Variants in ATXN10 observed in about 807,000 individuals in gnomAD.
ATXN10 encodes the protein ataxin-10.
In ATXN10, 28 loss-of-function variants were observed where a neutral mutation model predicts 52.9. The ratio of observed to expected loss-of-function variants is 0.53; its 90% CI spans 0.39 to 0.73. The LOEUF is 0.73. Ranked by LOEUF, ATXN10 falls within the 30% of genes least tolerant of loss-of-function variation. The pLI is 0.00. For missense variants in ATXN10, 565 were observed against 577.0 expected (o/e 0.98, Z 0.21); for synonymous variants, 226 against 221.5 (o/e 1.02, Z -0.18).
At position 45,754,810 on chromosome 22, in the gene ATXN10, G is replaced by A. The variant is rs560997593; in HGVS notation, c.1173+14272G>A. Among the ~76,000 whole-genome samples the A allele has an allele frequency of 9.8e-5, 15 of 152,326 alleles. 1 individual carries two copies. In the South Asian group the frequency reaches 2.9e-3, roughly 29 times the overall value. On this transcript the variant is annotated intron_variant, in intron 9 of 11. Transcript: ENST00000252934. The surrounding 1 kb of genome is among the most constrained non-coding windows in gnomAD (Gnocchi z 5.4). ...GCAGAGGTTGCAGTGAGCTGAGATC[G>A]TGCCACTGCACTCCAGCCTGGGCAA...
Position 45,712,727 on chromosome 22 carries a change from G to T in ATXN10, c.648-5686G>T, listed in dbSNP as rs1449031865. Among the ~76,000 whole-genome samples, 3 of 152,188 alleles carry T rather than the reference G, an allele frequency of 2.0e-5. No homozygotes were observed. The East Asian group carries it at 5.8e-4, about 29-fold the overall frequency. On this transcript the variant is annotated intron_variant, in intron 5 of 11. Coordinates refer to ENST00000252934, the MANE Select transcript of ATXN10 (RefSeq NM_013236.4). This position sits in a 1 kb window ranked among gnomAD's most constrained non-coding sequence, Gnocchi z 4.6. ...TATAACTCATTTTCTTCTAGTAGAG[G>T]AAGCATCGCCATTGAATCAGTGGAC...
intron 9 of ATXN10, among the ~76,000 whole-genome samples, chr22:45,748,446 C>T (rs117615085): frequency 0.014 from 2,136 of 152,198 alleles, 24 homozygotes; most frequent in Non-Finnish European, 0.021. Context: ...AAAATGAAAA[C>T]AAATATGAGA....
Position 45,837,367 on chromosome 22 carries a change from T to C in ATXN10, c.1238-5624T>C, listed in dbSNP as rs1412388505. 6.6e-6 allele frequency among the ~76,000 whole-genome samples: 1 copy of C among 152,094 alleles called. No individual in the cohort carries two copies. Among genetic ancestry groups the C allele is most frequent in the Non-Finnish European group, 1.5e-5 (1 of 68,018 alleles). On this transcript the variant is annotated intron_variant, in intron 10 of 11. Transcript: ENST00000252934. The surrounding 1 kb of genome is among the most constrained non-coding windows in gnomAD (Gnocchi z 5.8). ...CTCTGCCTCCCGGGTTTAAGCGATT[T>C]CTCCTGCCTCAGCCTCCCGAGTAGC...
chr22:45,698,021 T>TA, intron 3 of ATXN10, among the ~76,000 whole-genome samples: 1 of 152,386 alleles, frequency 6.6e-6, no homozygotes, highest in East Asian at 1.9e-4. Context: ...GTTGTTTTGA[T>TA]ATATCACATT....
rs960299788 is a variant in ATXN10 at position 45,728,536 on chromosome 22, G to T, written c.729-889G>T. On this transcript the variant is annotated intron_variant, in intron 6 of 11. Coordinates refer to ENST00000252934, the MANE Select transcript of ATXN10 (RefSeq NM_013236.4). This position sits in a 1 kb window ranked among gnomAD's most constrained non-coding sequence, Gnocchi z 4.3. ...ATAATTTAAATTTTTTTCTTGGTAA[G>T]AAATGTTCCATGCCTAATTTGAGTG... is the stretch of plus-strand genomic sequence containing the variant. Among the ~76,000 whole-genome samples the T allele has an allele frequency of 2.1e-4, 32 of 152,112 alleles. No homozygotes were observed. The highest frequency in any genetic ancestry group is 7.7e-4 in the African/African-American group (32 of 41,430).
At chr22:45,836,940 T>C (rs1929186532) in intron 10 of ATXN10, among the ~76,000 whole-genome samples, 1 of 152,216 alleles carries the variant, frequency 6.6e-6, no homozygotes, top group Non-Finnish European at 1.5e-5. Context: ...TTGCCCGTGC[T>C]GACCATGCTA....
intron 10 of ATXN10, among the ~76,000 whole-genome samples, chr22:45,811,949 A>G (rs1928295799): frequency 6.6e-6 from 1 of 152,172 alleles, no homozygotes; most frequent in Non-Finnish European, 1.5e-5. Flanking sequence ...GAATAAGCCT[A>G]GTCTATCACA....
At chr22:45,734,017 A>G (rs1340757754) in intron 7 of ATXN10, among the ~76,000 whole-genome samples, 1 of 152,124 alleles carries the variant, frequency 6.6e-6, no homozygotes, top group African/African-American at 2.4e-5. Flanking sequence ...TTAACTATAT[A>G]GACTCATCAT....
intron 7 of ATXN10, among the ~76,000 whole-genome samples, chr22:45,736,982 A>G (rs1925322301): frequency 6.6e-6 from 1 of 152,236 alleles, no homozygotes; most frequent in South Asian, 2.1e-4. Flanking sequence ...TGTGAGGTAC[A>G]CTGGATGAAG....
At chr22:45,830,456 T>C (rs916125932) in intron 10 of ATXN10, among the ~76,000 whole-genome samples, 3 of 152,236 alleles carry the variant, frequency 2.0e-5, no homozygotes, top group Admixed American at 2.0e-4. Flanking sequence ...TTGCAAATTA[T>C]TTATTTGATA....
intron 7 of ATXN10, among the ~76,000 whole-genome samples, chr22:45,734,991 T>G (rs1437667842): frequency 6.6e-6 from 1 of 151,636 alleles, no homozygotes; most frequent in Non-Finnish European, 1.5e-5. Context: ...TTCAAGCGAT[T>G]CTCCTGCCTC....
In ATXN10 at chr22:45,840,060, G is replaced by C. The variant is rs1197446010; in HGVS notation, c.1238-2931G>C. ...AGTTCACAGTGCATTAGAGTATACAGAAATACAAACAAACAGTCATAGCTT... is the reference window on the plus strand; with the variant it reads ...AGTTCACAGTGCATTAGAGTATACACAAATACAAACAAACAGTCATAGCTT... On this transcript the variant is annotated intron_variant, in intron 10 of 11. Coordinates refer to ENST00000252934, the MANE Select transcript of ATXN10 (RefSeq NM_013236.4). This position sits in a 1 kb window ranked among gnomAD's most constrained non-coding sequence, Gnocchi z 5.8. Among the ~76,000 whole-genome samples the C allele has an allele frequency of 6.6e-6, 1 of 152,204 alleles. No homozygotes were observed. The highest frequency in any genetic ancestry group is 1.5e-5 in the Non-Finnish European group (1 of 68,030).
chr22:45,743,436 C>A (rs991166477), intron 9 of ATXN10, among the ~76,000 whole-genome samples: 3 of 152,118 alleles, frequency 2.0e-5, no homozygotes, highest in Non-Finnish European at 2.9e-5. Context: ...TCATTGTTGC[C>A]TCAAGGGATG....
rs1308185588 is a variant in ATXN10 at position 45,683,970 on chromosome 22, G to C, written c.117-5742G>C. On this transcript the variant is annotated intron_variant, in intron 1 of 11. Transcript: ENST00000252934. The surrounding 1 kb of genome is among the most constrained non-coding windows in gnomAD (Gnocchi z 4.8). ...TTTCTTCTCTTTTCATGTTTTCTTA[G>C]AGACAAGGTCTCGCTGTGTCACCCA... 6.6e-6 allele frequency among the ~76,000 whole-genome samples: 1 copy of C among 151,690 alleles called. No individual in the cohort carries two copies. The highest frequency in any genetic ancestry group is 2.4e-5 in the African/African-American group (1 of 41,216).
chr22:45,729,478 C>A lies in ATXN10; in HGVS notation c.782C>A (p.Thr261Asn). The change falls in exon 7 of 12, where the codon ACC (threonine) becomes AAC (asparagine). Residue 261 changes from threonine (T) to asparagine (N), a missense_variant. Coordinates refer to ENST00000252934, the MANE Select transcript of ATXN10 (RefSeq NM_013236.4). ...AAGATAACGAGTGATGAGCCACTCACCAAGGATGACATCCCTGTGTTTTTG... is the reference window on the plus strand; with the variant it reads ...AAGATAACGAGTGATGAGCCACTCAACAAGGATGACATCCCTGTGTTTTTG... Reference protein sequence around the residue: ...IAKITSDEPLTKDDIPVFLRH... With the variant: ...IAKITSDEPLNKDDIPVFLRH... 1 of 1,614,162 alleles carries A rather than the reference C, an allele frequency of 6.2e-7. No homozygotes were observed. Among genetic ancestry groups the A allele is most frequent in the Non-Finnish European group, 8.5e-7 (1 of 1,180,020 alleles).
At chr22:45,724,467 T>C (rs1569037472) in intron 6 of ATXN10, among the ~76,000 whole-genome samples, 1 of 152,202 alleles carries the variant, frequency 6.6e-6, no homozygotes, top group Non-Finnish European at 1.5e-5. Context: ...GTAGATCTTC[T>C]TTTGGGAAAT....
rs1485349939 is a variant in ATXN10 at position 45,693,135 on chromosome 22, G to A, written c.391+57G>A. On this transcript the variant is annotated intron_variant, in intron 3 of 11. Coordinates refer to ENST00000252934, the MANE Select transcript of ATXN10 (RefSeq NM_013236.4). ...TATCTTTATAAAGGGTTCAAAACCA[G>A]TACTTTGAGTATTAACATCATTCAT... The A allele has an allele frequency of 2.9e-6, 4 of 1,359,388 alleles. No homozygotes were observed. In the East Asian group the frequency reaches 9.2e-5, roughly 31 times the overall value. The allele number at this position is 1,359,388 out of a possible 1,614,324, so 84.2% of individuals were successfully genotyped here.
At chr22:45,746,512 T>G (rs1004516363) in intron 9 of ATXN10, among the ~76,000 whole-genome samples, 1 of 152,192 alleles carries the variant, frequency 6.6e-6, no homozygotes, top group African/African-American at 2.4e-5. Context: ...GAGTGATTGC[T>G]CTGCAGAGAA....
chr22:45,722,663 C>T (rs1164457908), intron 6 of ATXN10, among the ~76,000 whole-genome samples: 1 of 152,054 alleles, frequency 6.6e-6, no homozygotes, highest in African/African-American at 2.4e-5. Context: ...GCAGTGTGTG[C>T]TTCTACTCCC....
Sources: gnomAD v4.1 joint callset for allele counts (sites outside exome capture counted in the v4.1 genomes callset) on GRCh38, gnomAD v4.1.1 for gene constraint, Gnocchi (gnomAD v3.1) non-coding constraint, MANE v1.5 for transcripts, NCBI Gene and HGNC (gene_info 2026-07-23, HGNC 2026-07-21) for gene names.